CDH12: variants seen among roughly 807,000 people sequenced by gnomAD.
CDH12 encodes cadherin 12, also known as cadherin-12.
CDH12 carries 41 observed loss-of-function variants against 74.1 expected under a neutral mutation model. The observed-to-expected ratio is 0.55, with a 90% CI of 0.43 to 0.72. The LOEUF (loss-of-function observed/expected upper bound fraction) is 0.72, where lower values mean the gene tolerates loss of function less well. Among genes scored for constraint, CDH12 ranks in the 30% least tolerant of loss-of-function variants. The pLI is 0.00. For synonymous variants in CDH12, 399 were observed against 355.0 expected, an observed-to-expected ratio of 1.12 and a Z score of -1.39; for missense variants, 945 against 977.2, an observed-to-expected ratio of 0.97 and a Z score of 0.44.
chr5:22,084,060 G>A (rs1329755757), intron 4 of CDH12, among the ~76,000 whole-genome samples: 4 of 152,102 alleles, frequency 2.6e-5, no homozygotes, highest in Non-Finnish European at 5.9e-5. Context: ...TTTAGGCAGA[G>A]GTAGGAAATA....
intron 4 of CDH12, among the ~76,000 whole-genome samples, chr5:22,145,694 A>C (rs551243034): frequency 6.6e-6 from 1 of 152,146 alleles, no homozygotes; most frequent in Non-Finnish European, 1.5e-5. Context: ...TAAGTATTTC[A>C]TCTCCAAAAT....
At chr5:22,773,010 C>G (rs1746893153) in intron 1 of CDH12, among the ~76,000 whole-genome samples, 1 of 151,888 alleles carries the variant, frequency 6.6e-6, no homozygotes, top group Non-Finnish European at 1.5e-5. Context: ...ATGGATGACA[C>G]AAACAAATAG....
chr5:22,294,443 G>A (rs748019814), intron 3 of CDH12, among the ~76,000 whole-genome samples: 3 of 152,198 alleles, frequency 2.0e-5, no homozygotes, highest in Non-Finnish European at 4.4e-5. Flanking sequence ...AAGTGTATAT[G>A]TGCTTCAGAA....
chr5:22,566,075 T>C (rs1422290858), intron 1 of CDH12, among the ~76,000 whole-genome samples: 1 of 152,166 alleles, frequency 6.6e-6, no homozygotes, highest in Non-Finnish European at 1.5e-5. Flanking sequence ...ATGTTACAGA[T>C]TCCATTCAAA....
intron 5 of CDH12, among the ~76,000 whole-genome samples, chr5:21,981,715 T>C (rs146473578): frequency 0.016 from 2,424 of 152,282 alleles, 65 homozygotes; most frequent in African/African-American, 0.056. Context: ...AGGGTCTTGT[T>C]CTGTGGCCCA....
At chr5:22,413,712 T>C (rs939125197) in intron 2 of CDH12, among the ~76,000 whole-genome samples, 2 of 152,048 alleles carry the variant, frequency 1.3e-5, no homozygotes, top group African/African-American at 4.8e-5. Context: ...GCATAGCATA[T>C]AGACACACAT....
At chr5:22,487,502 A>T (rs2126634729) in intron 2 of CDH12, among the ~76,000 whole-genome samples, 1 of 152,316 alleles carries the variant, frequency 6.6e-6, no homozygotes, top group East Asian at 1.9e-4. Flanking sequence ...AAAGACAGTG[A>T]AACTTGAGGG....
chr5:22,802,629 G>C (rs1464265286), intron 1 of CDH12, among the ~76,000 whole-genome samples: 1 of 151,958 alleles, frequency 6.6e-6, no homozygotes, highest in African/African-American at 2.4e-5. Flanking sequence ...GTCGAGGCTT[G>C]TATTTTCAGA....
At chr5:22,839,762 G>A (rs1448196344) in intron 1 of CDH12, among the ~76,000 whole-genome samples, 1 of 152,152 alleles carries the variant, frequency 6.6e-6, no homozygotes, top group Non-Finnish European at 1.5e-5. Flanking sequence ...GTTTGTACAC[G>A]TGCTTGTATA....
chr5:22,369,053 C>T (rs374083656), intron 3 of CDH12, among the ~76,000 whole-genome samples: 10 of 151,916 alleles, frequency 6.6e-5, no homozygotes, highest in Non-Finnish European at 8.8e-5. Flanking sequence ...CGCTTGAACC[C>T]GGGAGGCGGA....
At position 22,016,207 on chromosome 5, in the gene CDH12, T is replaced by C. The variant is rs148879343; in HGVS notation, c.232-40822A>G. The stretch of plus-strand genomic sequence containing the variant: ...CTTCCTCAAACTGTAGAGTATGATC[T>C]TTCTAGGTGGCCAGTGTAACAAAAG... On this transcript the variant is annotated intron_variant, in intron 5 of 14. Coordinates refer to ENST00000382254, the MANE Select transcript of CDH12 (RefSeq NM_004061.5). 1.1e-3 allele frequency among the ~76,000 whole-genome samples: 160 copies of C among 152,184 alleles called. 1 individual carries two copies. In the East Asian group the frequency reaches 0.03, roughly 29 times the overall value.
chr5:21,970,752 A>G (rs1756808448), intron 6 of CDH12, among the ~76,000 whole-genome samples: 1 of 147,244 alleles, frequency 6.8e-6, no homozygotes, highest in Non-Finnish European at 1.5e-5. Context: ...AGGCAGGAGA[A>G]TCACTTGAAC....
intron 6 of CDH12, among the ~76,000 whole-genome samples, chr5:21,902,761 TA>T (rs1753452621): frequency 6.6e-6 from 1 of 152,154 alleles, no homozygotes; most frequent in Non-Finnish European, 1.5e-5. Flanking sequence ...CAATTTTTTT[TA>T]AAATTTATTT....
chr5:22,821,972 C>T, intron 1 of CDH12, among the ~76,000 whole-genome samples: 1 of 152,130 alleles, frequency 6.6e-6, no homozygotes, highest in East Asian at 1.9e-4. Flanking sequence ...CGCTACCTGA[C>T]TTCAAACTAT....
At chr5:22,116,122 T>A (rs1745084627) in intron 4 of CDH12, among the ~76,000 whole-genome samples, 1 of 152,176 alleles carries the variant, frequency 6.6e-6, no homozygotes, top group South Asian at 2.1e-4. Context: ...TTAGTTTATA[T>A]GGGTGGGACC....
chr5:22,602,817 C>A (rs765244572), intron 1 of CDH12, among the ~76,000 whole-genome samples: 1 of 152,042 alleles, frequency 6.6e-6, no homozygotes, highest in Non-Finnish European at 1.5e-5. Flanking sequence ...AAAAATAATA[C>A]CCTCATTAAC....
intron 2 of CDH12, among the ~76,000 whole-genome samples, chr5:22,456,107 T>TTATATATATATATATATATATATATATA (rs36020133): frequency 3.7e-4 from 54 of 147,864 alleles, no homozygotes; most frequent in African/African-American, 1.4e-3. Flanking sequence ...CATGTGGATA[T>TTATATATATATATATATATATATATATA]TATATATATA....
At chr5:22,057,585 T>C (rs1388241238) in intron 5 of CDH12, among the ~76,000 whole-genome samples, 1 of 152,172 alleles carries the variant, frequency 6.6e-6, no homozygotes, top group East Asian at 1.9e-4. Flanking sequence ...GGAGCCTGTC[T>C]ATTCAGGTAC....
At chr5:22,614,718 T>C (rs932179567) in intron 1 of CDH12, among the ~76,000 whole-genome samples, 1 of 152,128 alleles carries the variant, frequency 6.6e-6, no homozygotes, top group African/African-American at 2.4e-5. Flanking sequence ...ACTAATCCAT[T>C]ACAGTATTTT....
Sources: gnomAD v4.1 joint callset for allele counts (sites outside exome capture counted in the v4.1 genomes callset) on GRCh38, gnomAD v4.1.1 for gene constraint, MANE v1.5 for transcripts, NCBI Gene and HGNC (gene_info 2026-07-23, HGNC 2026-07-21) for gene names.